Variants in PDZRN3 observed in about 807,000 individuals in gnomAD.
PDZRN3 encodes the protein E3 ubiquitin-protein ligase PDZRN3.
In PDZRN3, 38 loss-of-function variants were observed where a neutral mutation model predicts 85.7. That is an observed-to-expected ratio of 0.44 (90% CI 0.34 to 0.58). The LOEUF (loss-of-function observed/expected upper bound fraction) is 0.58. Among genes scored for constraint, PDZRN3 ranks in the 20% least tolerant of loss-of-function variants. The pLI, the probability that PDZRN3 is intolerant of heterozygous loss-of-function variation, is 0.01. For synonymous variants in PDZRN3, 759 were observed against 638.0 expected, an observed-to-expected ratio of 1.19 and a Z score of -2.86; for missense variants, 1,629 against 1,506.4, an observed-to-expected ratio of 1.08 and a Z score of -1.35.
In PDZRN3 at chr3:73,384,610, G is replaced by T. The variant is rs542719140; in HGVS notation, c.1956C>A (p.Leu652=). 3.8e-5 allele frequency: 61 copies of T among 1,613,708 alleles called. No homozygotes were observed. In the Middle Eastern group the frequency reaches 4.9e-4, roughly 13 times the overall value. ...GGGTGGCGCTCTTCACCTGGCACTT[G>T]AGCTCCAGGAGCTCGCGGAAGCGCT... The part of the protein sequence containing the change: ...ECERFRELLE[L]KCQVKSATPY... Residue 652 remains leucine, a synonymous_variant, in exon 10 of 10, where the codon CTC becomes CTA. Coordinates refer to ENST00000263666, the MANE Select transcript of PDZRN3 (RefSeq NM_015009.3).
chr3:73,433,039 C>T (rs1043094585), intron 3 of PDZRN3, among the ~76,000 whole-genome samples: 3 of 152,188 alleles, frequency 2.0e-5, no homozygotes, highest in Admixed American at 6.5e-5. Context: ...CACAATGACT[C>T]AGAAGATACA....
rs570218240 is a variant in PDZRN3, at chr3:73,608,608, C to T, written c.800G>A (p.Arg267Gln). ...TAGTAATTAACATACCACACTCGGCCGGCCACCAATAATATTGAATCCCAG... is the reference window on the plus strand; with the variant it reads ...TAGTAATTAACATACCACACTCGGCTGGCCACCAATAATATTGAATCCCAG... ...GSLGFNIIGGRPSVDNHDGSS... is the reference protein window; with the variant it reads ...GSLGFNIIGGQPSVDNHDGSS... Residue 267 changes from arginine (R) to glutamine (Q), a missense_variant, in exon 2 of 10, where the codon CGG becomes CAG. Physicochemically the swap from Arg to Gln is conservative, Grantham distance 43. Transcript: ENST00000263666. 2.7e-5 allele frequency: 43 copies of T among 1,608,706 alleles called. 1 individual carries two copies. The Admixed American group carries it at 5.0e-4, about 19-fold the overall frequency.
At chr3:73,566,533 G>A (rs1701953289) in intron 3 of PDZRN3, among the ~76,000 whole-genome samples, 1 of 152,110 alleles carries the variant, frequency 6.6e-6, no homozygotes, top group South Asian at 2.1e-4. Context: ...CATAAAGGGG[G>A]GTTCCAGTAG....
intron 3 of PDZRN3, among the ~76,000 whole-genome samples, chr3:73,416,154 T>C (rs1371221951): frequency 6.6e-6 from 1 of 151,890 alleles, no homozygotes; most frequent in Non-Finnish European, 1.5e-5. Context: ...TAGAAAAAAT[T>C]AGGATGACAT....
intron 5 of PDZRN3, 98 bp from the exon 6 acceptor site, chr3:73,391,214 G>A: frequency 2.5e-6 from 2 of 789,578 alleles, no homozygotes; most frequent in African/African-American, 3.4e-5. Context: ...ATGAGGAACT[G>A]GATTTCTTTG....
Position 73,384,784 on chromosome 3 carries a change from G to C in PDZRN3, c.1782C>G (p.Thr594=), listed in dbSNP as rs138272885. Residue 594 remains threonine (T), a synonymous_variant, in exon 10 of 10, where the codon ACC becomes ACG. Transcript: ENST00000263666. ...SEQENNGDDA[T]ASSNPLAGQR... ...GCCCCGCCAGCGGGTTGGAGGATGC[G>C]GTGGCGTCGTCGCCATTGTTCTCTT... is the stretch of plus-strand genomic sequence containing the variant. The C allele has an allele frequency of 6.2e-7, 1 of 1,613,842 alleles. No individual in the cohort carries two copies. The highest frequency in any genetic ancestry group is 8.5e-7 in the Non-Finnish European group (1 of 1,180,050).
At chr3:73,505,173 C>T (rs183551138) in intron 3 of PDZRN3, among the ~76,000 whole-genome samples, 1 of 152,304 alleles carries the variant, frequency 6.6e-6, no homozygotes, top group East Asian at 1.9e-4. Context: ...TAATTAAGAA[C>T]TAAACTATAC....
At chr3:73,452,121 TAA>T (rs1575663419) in intron 3 of PDZRN3, among the ~76,000 whole-genome samples, 1 of 152,114 alleles carries the variant, frequency 6.6e-6, no homozygotes, top group Admixed American at 6.5e-5. Context: ...GCCACAGCAA[TAA>T]GTCTGATTCC....
chr3:73,493,758 G>C, intron 3 of PDZRN3, among the ~76,000 whole-genome samples: 1 of 152,180 alleles, frequency 6.6e-6, no homozygotes, highest in East Asian at 1.9e-4. Flanking sequence ...ATTGGTTAAG[G>C]GATGGCACAT....
At chr3:73,468,160 G>C (rs1047749735) in intron 3 of PDZRN3, among the ~76,000 whole-genome samples, 1 of 152,076 alleles carries the variant, frequency 6.6e-6, no homozygotes, top group African/African-American at 2.4e-5. Context: ...CAGAGAGGAG[G>C]ATCAGAGGAA....
In PDZRN3 at chr3:73,498,899, A is replaced by G. The variant is rs1333602378; in HGVS notation, c.919-94504T>C. 2.0e-5 allele frequency among the ~76,000 whole-genome samples: 3 copies of G among 151,984 alleles called. No individual in the cohort carries two copies. In the East Asian group the frequency reaches 5.8e-4, roughly 29 times the overall value. ...TGCCTGGCCCGTATGTTAACTTTTT[A>G]CAATACACACAGCATAGACCCAGAT... On this transcript the variant is annotated intron_variant, in intron 3 of 9. Transcript: ENST00000263666.
chr3:73,470,755 A>T (rs1435446758), intron 3 of PDZRN3, among the ~76,000 whole-genome samples: 1 of 152,208 alleles, frequency 6.6e-6, no homozygotes, highest in Non-Finnish European at 1.5e-5. Flanking sequence ...TCAAGTCTAC[A>T]TGCAGGACCC....
intron 3 of PDZRN3, among the ~76,000 whole-genome samples, chr3:73,441,317 G>T (rs1702631006): frequency 6.8e-6 from 1 of 146,820 alleles, no homozygotes; most frequent in Non-Finnish European, 1.5e-5. Flanking sequence ...GGAGGCTGAG[G>T]CAGGAGAATC....
intron 3 of PDZRN3, among the ~76,000 whole-genome samples, chr3:73,591,522 C>T (rs990362832): frequency 1.3e-5 from 2 of 152,108 alleles, no homozygotes. Flanking sequence ...ACTGTAATTT[C>T]AGGTTTATGA....
intron 3 of PDZRN3, among the ~76,000 whole-genome samples, chr3:73,468,791 G>T (rs1225201266): frequency 6.6e-6 from 1 of 152,156 alleles, no homozygotes; most frequent in East Asian, 1.9e-4. Context: ...AGCGATCCTG[G>T]ATTTAACCCT....
intron 3 of PDZRN3, among the ~76,000 whole-genome samples, chr3:73,501,860 C>T (rs1313682692): frequency 6.6e-6 from 1 of 151,976 alleles, no homozygotes; most frequent in Non-Finnish European, 1.5e-5. Flanking sequence ...GCTAAAAATA[C>T]AAAAAATTAG....
At chr3:73,437,045 CAAA>C (rs57755670) in intron 3 of PDZRN3, among the ~76,000 whole-genome samples, 10,789 of 72,530 alleles carry the variant, frequency 0.15, 1,201 homozygotes, top group African/African-American at 0.37. Flanking sequence ...GACTCTGTCT[CAAA>C]AAAAAAAAAA....
intron 3 of PDZRN3, among the ~76,000 whole-genome samples, chr3:73,519,535 T>C (rs1183364400): frequency 6.6e-6 from 1 of 152,232 alleles, no homozygotes; most frequent in Non-Finnish European, 1.5e-5. Flanking sequence ...GAGAGTTCAA[T>C]ATTAATTTAA....
intron 3 of PDZRN3, among the ~76,000 whole-genome samples, chr3:73,511,331 C>A (rs1005179956): frequency 6.6e-6 from 1 of 152,174 alleles, no homozygotes; most frequent in Non-Finnish European, 1.5e-5. Flanking sequence ...ACTCTCTTAG[C>A]CCTTTGTTGT....
Sources: allele counts gnomAD v4.1 joint callset (sites outside exome capture counted in the v4.1 genomes callset), GRCh38; gene constraint gnomAD v4.1.1; transcripts MANE v1.5; gene names NCBI Gene and HGNC (gene_info 2026-07-23, HGNC 2026-07-21).